The following PNO1 variants were observed in gnomAD, a reference collection of about 807,000 sequenced individuals.
The protein encoded by PNO1 is RNA-binding protein PNO1.
Under a neutral mutation model 28.4 loss-of-function variants are expected in PNO1, and 16 were observed. The observed-to-expected ratio is 0.56, with a 90% CI of 0.38 to 0.85. The LOEUF (loss-of-function observed/expected upper bound fraction) is 0.85. Among genes scored for constraint, PNO1 ranks in the 40% least tolerant of loss-of-function variants. The pLI, the probability that PNO1 is intolerant of heterozygous loss-of-function variation, is 0.00. For missense variants in PNO1, 304 were observed against 312.2 expected (o/e 0.97, Z 0.20); for synonymous variants, 115 against 110.8 (o/e 1.04, Z -0.24).
Position 68,158,470 on chromosome 2 carries a change from G to C in PNO1, c.298G>C (p.Val100Leu). Residue 100 changes from valine (V) to leucine (L), a missense_variant, in exon 2 of 7, where the codon GTG becomes CTG. Val to Leu is a conservative substitution (Grantham distance 32). Coordinates refer to ENST00000263657, the MANE Select transcript of PNO1 (RefSeq NM_020143.4). ...ENWMKIFTPI[V>L]EHLGLQIRFN... is the part of the protein sequence containing the mutation. The stretch of plus-strand genomic sequence containing the variant: ...CTGGATGAAGATATTTACTCCTATT[G>C]TGGAACATTTGGGACTTCAGATACG... 1 of 1,613,638 alleles carries C rather than the reference G, an allele frequency of 6.2e-7. No individual in the cohort carries two copies.
chr2:68,171,255 T>C (rs1251830831), intron 5 of PNO1, among the ~76,000 whole-genome samples: 1 of 152,236 alleles, frequency 6.6e-6, no homozygotes, highest in Non-Finnish European at 1.5e-5. Flanking sequence ...TCTTGATGTA[T>C]TCGAATGCAT....
chr2:68,171,924 T>G (rs1296656921), intron 5 of PNO1, among the ~76,000 whole-genome samples: 1 of 151,954 alleles, frequency 6.6e-6, no homozygotes, highest in African/African-American at 2.4e-5. Flanking sequence ...TGTGTTGATA[T>G]GAGTGGAATG....
In PNO1 at chr2:68,162,566, C is replaced by T. The variant is rs1207043539; in HGVS notation, c.523C>T (p.His175Tyr). Reference sequence around the variant, plus strand: ...TTTAGTTAAACCCCTAAAGGGAGACCATCTATCCAGGGCAATAGGAAGAAT... The same window carrying T: ...TTTAGTTAAACCCCTAAAGGGAGACTATCTATCCAGGGCAATAGGAAGAAT... Reference protein sequence around the residue: ...ITDVKPLKGDHLSRAIGRIAG... With the variant: ...ITDVKPLKGDYLSRAIGRIAG... The change falls in exon 5 of 7, where the codon CAT (histidine) becomes TAT (tyrosine). Residue 175 changes from histidine to tyrosine, a missense_variant. His to Tyr is a moderately conservative substitution (Grantham distance 83). Coordinates refer to ENST00000263657, the MANE Select transcript of PNO1 (RefSeq NM_020143.4). The T allele has an allele frequency of 6.2e-7, 1 of 1,612,874 alleles. No individual in the cohort carries two copies. The highest frequency in any genetic ancestry group is 1.1e-5 in the South Asian group (1 of 91,030).
Position 68,158,062 on chromosome 2 carries a change from A to C in PNO1, c.128A>C (p.Asp43Ala), listed in dbSNP as rs1198562232. ...CTGTCCGCAGCAGGAGAGGGCGGGG[A>C]TGCGGGCCGCATGGACACAGAGGAG... ...EQLSAAGEGG[D>A]AGRMDTEEAR... Residue 43 changes from aspartate (D) to alanine (A), a missense_variant, in exon 1 of 7, where the codon GAT becomes GCT. By Grantham distance (126) the Asp-to-Ala change is moderately radical. Coordinates refer to ENST00000263657, the MANE Select transcript of PNO1 (RefSeq NM_020143.4). 1.2e-6 allele frequency: 2 copies of C among 1,613,868 alleles called. No individual in the cohort carries two copies. Among genetic ancestry groups the C allele is most frequent in the African/African-American group, 2.7e-5 (2 of 75,064 alleles).
chr2:68,161,827 A>G (rs1211976287), intron 3 of PNO1, 61 bp downstream of exon 3: 13 of 1,120,794 alleles, frequency 1.2e-5, no homozygotes, highest in Admixed American at 1.8e-5. Context: ...GAACATTTCA[A>G]TGGATTAGGC....
chr2:68,168,893 A>G (rs1258332851), intron 5 of PNO1, among the ~76,000 whole-genome samples: 2 of 149,504 alleles, frequency 1.3e-5, no homozygotes, highest in Non-Finnish European at 3.0e-5. Context: ...CTCAGTCAAC[A>G]GTACCTATCA....
At chr2:68,174,564 G>A (rs189747603) in intron 6 of PNO1, among the ~76,000 whole-genome samples, 171 bp from the exon 7 acceptor site, 49 of 152,188 alleles carry the variant, frequency 3.2e-4, no homozygotes, top group Non-Finnish European at 1.2e-4. Flanking sequence ...AAAGTATATG[G>A]GAGGATGTGG....
At chr2:68,170,575 G>A (rs1469751322) in intron 5 of PNO1, among the ~76,000 whole-genome samples, 1 of 151,790 alleles carries the variant, frequency 6.6e-6, no homozygotes, top group African/African-American at 2.4e-5. Flanking sequence ...GTGAAACCCC[G>A]TCTCTACTAA....
At chr2:68,170,014 T>C (rs1416445631) in intron 5 of PNO1, among the ~76,000 whole-genome samples, 2 of 152,248 alleles carry the variant, frequency 1.3e-5, no homozygotes, top group African/African-American at 4.8e-5. Context: ...TTATATCTTT[T>C]GTGTTTTCTT....
At chr2:68,174,476 A>T (rs1674219892) in intron 6 of PNO1, among the ~76,000 whole-genome samples, 2 of 152,170 alleles carry the variant, frequency 1.3e-5, no homozygotes, top group South Asian at 4.1e-4. Flanking sequence ...AAATAATACA[A>T]ATTTTAAAAC....
In PNO1 at chr2:68,175,911, C is replaced by A. The variant is rs1674268889; in HGVS notation, c.*1109C>A. The A allele has an allele frequency of 6.6e-6, 1 of 152,170 alleles. No individual in the cohort carries two copies. The highest frequency in any genetic ancestry group is 2.4e-5 in the African/African-American group (1 of 41,430). 9.4% of individuals were successfully genotyped at this position (152,170 alleles called of 1,614,324 possible). A position where few individuals can be genotyped will look rare whatever the true frequency, so the allele number is the denominator to read the frequency against. ...TTAGCCTACAGTTGGGCAAAATCGT[C>A]TAATACAAAGCCTATTTTATAATAA... On this transcript the variant is annotated 3_prime_UTR_variant, in exon 7 of 7. Coordinates refer to ENST00000263657, the MANE Select transcript of PNO1 (RefSeq NM_020143.4).
At chr2:68,169,764 G>A (rs529527186) in intron 5 of PNO1, among the ~76,000 whole-genome samples, 18 of 152,256 alleles carry the variant, frequency 1.2e-4, no homozygotes, top group African/African-American at 4.3e-4. Context: ...TCATGACGTA[G>A]CTTTTTCTTA....
Position 68,175,199 on chromosome 2 carries a change from A to AT in PNO1, c.*397_*398insT, listed in dbSNP as rs1189554862. 1.3e-5 allele frequency: 2 copies of AT among 153,740 alleles called. No homozygotes were observed. The highest frequency in any genetic ancestry group is 4.8e-5 in the African/African-American group (2 of 41,482). 9.5% of individuals were successfully genotyped at this position (153,740 alleles called of 1,614,324 possible). A position where few individuals can be genotyped will look rare whatever the true frequency, so the allele number is the denominator to read the frequency against. On this transcript the variant is annotated 3_prime_UTR_variant, in exon 7 of 7. Transcript: ENST00000263657. ...AACATTTCTTTATAAATTGTAATTTAATAGATTATCTCAGAAAAACCTCTC... is the reference window on the plus strand; with the variant it reads ...AACATTTCTTTATAAATTGTAATTTATATAGATTATCTCAGAAAAACCTCTC...
intron 5 of PNO1, among the ~76,000 whole-genome samples, chr2:68,166,771 A>G (rs908392805): frequency 2.6e-5 from 4 of 152,138 alleles, no homozygotes; most frequent in African/African-American, 9.7e-5. Context: ...AAATTGTCTA[A>G]TGTCACCTTG....
At chr2:68,159,301 T>C (rs1673769108) in intron 2 of PNO1, among the ~76,000 whole-genome samples, 1 of 152,094 alleles carries the variant, frequency 6.6e-6, no homozygotes, top group South Asian at 2.1e-4. Flanking sequence ...TTTATTTTGC[T>C]CTTTCACCCA....
intron 5 of PNO1, among the ~76,000 whole-genome samples, chr2:68,170,427 A>T (rs1674096524): frequency 6.6e-6 from 1 of 152,130 alleles, no homozygotes; most frequent in South Asian, 2.1e-4. Context: ...AATTTTAATC[A>T]AAGTTAAACA....
chr2:68,163,120 A>G (rs1673881013), intron 5 of PNO1, among the ~76,000 whole-genome samples: 1 of 152,238 alleles, frequency 6.6e-6, no homozygotes, highest in Non-Finnish European at 1.5e-5. Flanking sequence ...TTGGGTGAAT[A>G]GATGGTCACC....
At chr2:68,161,494 G>C in intron 2 of PNO1, 189 bp from the exon 3 acceptor site, 1 of 568,482 alleles carries the variant, frequency 1.8e-6, no homozygotes, top group Non-Finnish European at 3.2e-6. Context: ...TTGGAGCTGG[G>C]AACGTTTTGT....
chr2:68,165,275 A>C (rs982548884), intron 5 of PNO1, among the ~76,000 whole-genome samples: 2 of 148,868 alleles, frequency 1.3e-5, no homozygotes, highest in Non-Finnish European at 3.0e-5. Context: ...GAGGCAGGAG[A>C]ATGGCGTGAA....
Sources: allele counts gnomAD v4.1 joint callset (sites outside exome capture counted in the v4.1 genomes callset), GRCh38; gene constraint gnomAD v4.1.1; transcripts MANE v1.5; gene names NCBI Gene and HGNC (gene_info 2026-07-23, HGNC 2026-07-21).